The following SAMD5 variants were observed in gnomAD, a reference collection of about 807,000 sequenced individuals.
SAMD5 encodes the protein sterile alpha motif domain-containing protein 5.
A neutral mutation model predicts 11.3 loss-of-function variants in SAMD5; 13 were observed. The observed-to-expected ratio is 1.15, with a 90% CI of 0.75 to 1.83. The LOEUF (loss-of-function observed/expected upper bound fraction) is 1.83. SAMD5 is among the 40% of genes most tolerant of loss of function. The pLI is 0.00. For synonymous variants in SAMD5, 129 were observed against 111.3 expected (o/e 1.16, Z -1.00); for missense variants, 255 against 239.1 (o/e 1.07, Z -0.44).
At chr6:147,632,294 G>T (rs1583115035) in intron 1 of SAMD5, among the ~76,000 whole-genome samples, 1 of 152,184 alleles carries the variant, frequency 6.6e-6, no homozygotes, top group Admixed American at 6.5e-5. Context: ...CTTGCATAGT[G>T]AGGAAACCTC....
chr6:147,569,056 G>C lies in SAMD5; in HGVS notation c.*4600G>C, dbSNP rs1789090447. The C allele has an allele frequency of 1.6e-5, 3 of 192,328 alleles. No homozygotes were observed. The South Asian group carries it at 5.6e-4, about 36-fold the overall frequency. 11.9% of individuals were successfully genotyped at this position (192,328 alleles called of 1,614,324 possible). ...AGCCTGGCCAACATGGTGAAACCCT[G>C]TGTCTACTAAAAATACAAAAAAAAT... On this transcript the variant is annotated 3_prime_UTR_variant, in exon 2 of 2. Transcript: ENST00000367474.
chr6:147,856,832 GGA>G, the SAMD5 span, among the ~76,000 whole-genome samples: 28 of 142,830 alleles, frequency 2.0e-4, 1 homozygote, highest in African/African-American at 7.6e-4. Context: ...GGGGGGGGGG[GGA>G]AGCTTGTGTT....
At chr6:147,554,183 G>T (rs1654641795) in intron 1 of SAMD5, among the ~76,000 whole-genome samples, 1 of 152,116 alleles carries the variant, frequency 6.6e-6, no homozygotes, top group African/African-American at 2.4e-5. Flanking sequence ...TTCAGATCCT[G>T]CAGGAACTCA....
chr6:147,906,835 G>A, the SAMD5 span, among the ~76,000 whole-genome samples: 2 of 152,186 alleles, frequency 1.3e-5, no homozygotes, highest in African/African-American at 4.8e-5. Flanking sequence ...CATTCCATAG[G>A]AGAGTAACTT....
In SAMD5 at chr6:147,635,797, G is replaced by A. The variant is rs552688027; in HGVS notation, c.163-101520G>A. 1.1e-4 allele frequency among the ~76,000 whole-genome samples: 17 copies of A among 152,266 alleles called. 1 individual carries two copies. The South Asian group carries it at 2.3e-3, about 20-fold the overall frequency. On this transcript the variant is annotated intron_variant, in intron 1 of 1. Transcript: ENST00000566741. ...TTAGTTGGGACCTTAGAATGAATAC[G>A]TATGGAGCCGATTTGAAACAACCCC...
chr6:147,781,299 G>C, the SAMD5 span, among the ~76,000 whole-genome samples: 2 of 151,608 alleles, frequency 1.3e-5, no homozygotes, highest in Non-Finnish European at 2.9e-5. Flanking sequence ...GGAACTACAG[G>C]GACGTGCCAC....
chr6:147,509,491 G>A, intron 1 of SAMD5, 104 bp downstream of exon 1: 2 of 1,007,712 alleles, frequency 2.0e-6, no homozygotes, highest in Non-Finnish European at 2.8e-6. Flanking sequence ...ACGACGGAGA[G>A]GCCAGGAGGC....
At chr6:147,576,095 T>G (rs1203375967) in intron 1 of SAMD5, among the ~76,000 whole-genome samples, 3 of 152,046 alleles carry the variant, frequency 2.0e-5, no homozygotes, top group South Asian at 2.1e-4. Flanking sequence ...AGCTCAAAAT[T>G]TACTATTTGG....
chr6:147,772,972 G>A, the SAMD5 span, among the ~76,000 whole-genome samples: 8 of 152,184 alleles, frequency 5.3e-5, no homozygotes, highest in African/African-American at 1.9e-4. Context: ...CACTGAGGGT[G>A]GAACGACACT....
intron 1 of SAMD5, among the ~76,000 whole-genome samples, chr6:147,581,178 C>T (rs1174126053): frequency 6.6e-6 from 1 of 152,152 alleles, no homozygotes; most frequent in Non-Finnish European, 1.5e-5. Context: ...AAGGAGCAGA[C>T]GTATATGGCT....
intron 1 of SAMD5, among the ~76,000 whole-genome samples, chr6:147,598,919 A>T (rs983202357): frequency 6.6e-6 from 1 of 152,226 alleles, no homozygotes; most frequent in Non-Finnish European, 1.5e-5. Flanking sequence ...AATTAAAAAG[A>T]CAAAGGCTGA....
At chr6:147,893,775 T>G in the SAMD5 span, among the ~76,000 whole-genome samples, 373 of 152,342 alleles carry the variant, frequency 2.4e-3, 4 homozygotes, top group African/African-American at 8.4e-3. Context: ...AAATTTCTCT[T>G]TAAAAGATGA....
the SAMD5 span, among the ~76,000 whole-genome samples, chr6:147,818,264 A>G: frequency 6.6e-6 from 1 of 152,168 alleles, no homozygotes; most frequent in South Asian, 2.1e-4. Context: ...CCTTTTGGAA[A>G]ATGAAGCTGA....
At chr6:147,537,958 T>TA (rs1788538284) in intron 1 of SAMD5, among the ~76,000 whole-genome samples, 1 of 152,198 alleles carries the variant, frequency 6.6e-6, no homozygotes, top group Admixed American at 6.5e-5. Context: ...AAGAGAAAAG[T>TA]AAATTTCATG....
At chr6:147,576,488 C>A (rs1405347079) in intron 1 of SAMD5, among the ~76,000 whole-genome samples, 1 of 152,114 alleles carries the variant, frequency 6.6e-6, no homozygotes, top group African/African-American at 2.4e-5. Flanking sequence ...GACTTCCATT[C>A]CTTTATGCTC....
intron 1 of SAMD5, among the ~76,000 whole-genome samples, chr6:147,667,300 A>G (rs1277970360): frequency 6.6e-6 from 1 of 152,014 alleles, no homozygotes; most frequent in Non-Finnish European, 1.5e-5. Context: ...CTTTTTTTTA[A>G]TGGTGAGGTG....
intron 1 of SAMD5, among the ~76,000 whole-genome samples, chr6:147,679,279 A>G (rs1398255705): frequency 6.6e-6 from 1 of 152,174 alleles, no homozygotes; most frequent in Non-Finnish European, 1.5e-5. Flanking sequence ...ACTGCAGAGT[A>G]TGAGAGTTCA....
chr6:147,657,339 A>ACT lies in SAMD5; in HGVS notation c.163-79977_163-79976dup, dbSNP rs1350595294. On this transcript the variant is annotated intron_variant, in intron 1 of 1. Transcript: ENST00000566741. ...TAAATGTCCTGAAGTTGATAACTGT[A>ACT]CTGTGGCCATGTAAGATAATAGCCC... Among the ~76,000 whole-genome samples, 31 of 152,304 alleles carry ACT rather than the reference A, an allele frequency of 2.0e-4. No homozygotes were observed. The East Asian group carries it at 5.8e-3, about 28-fold the overall frequency.
the SAMD5 span, among the ~76,000 whole-genome samples, chr6:147,776,089 T>C: frequency 2.0e-5 from 3 of 152,208 alleles, no homozygotes; most frequent in Non-Finnish European, 4.4e-5. Context: ...ATGAGTTATC[T>C]GTCCTGAGGG....
Sources: allele counts gnomAD v4.1 joint callset (sites outside exome capture counted in the v4.1 genomes callset), GRCh38; gene constraint gnomAD v4.1.1; transcripts MANE v1.5; gene names NCBI Gene and HGNC (gene_info 2026-07-23, HGNC 2026-07-21).